Variants in LHX9 observed in about 807,000 individuals in gnomAD.
LHX9 encodes LIM/homeobox protein Lhx9.
LHX9 carries 9 observed loss-of-function variants against 36.5 expected under a neutral mutation model. The ratio of observed to expected loss-of-function variants is 0.25; its 90% CI spans 0.15 to 0.43. The LOEUF (loss-of-function observed/expected upper bound fraction) is 0.43. Among genes scored for constraint, LHX9 ranks in the 20% least tolerant of loss-of-function variants. The pLI, the probability that LHX9 is intolerant of heterozygous loss-of-function variation, is 1.00. For synonymous variants in LHX9, 211 were observed against 212.1 expected, an observed-to-expected ratio of 0.99 and a Z score of 0.04; for missense variants, 464 against 526.4, an observed-to-expected ratio of 0.88 and a Z score of 1.16.
chr1:197,925,656 G>A (rs1467244375), intron 3 of LHX9, among the ~76,000 whole-genome samples: 4 of 152,194 alleles, frequency 2.6e-5, no homozygotes, highest in Non-Finnish European at 5.9e-5. Context: ...GTGCAATTCT[G>A]TAGAATATTT....
intron 1 of LHX9, chr1:197,918,423 T>C: frequency 1.4e-6 from 1 of 716,258 alleles, no homozygotes. Flanking sequence ...CAGGTGGCCT[T>C]AGTCTCTGGG....
Position 197,927,662 on chromosome 1 carries a change from C to T in LHX9, c.805C>T (p.Arg269Cys). 2 of 1,614,186 alleles carry T rather than the reference C, an allele frequency of 1.2e-6. No individual in the cohort carries two copies. Among genetic ancestry groups the T allele is most frequent in the Non-Finnish European group, 1.7e-6 (2 of 1,180,032 alleles). Residue 269 changes from arginine to cysteine, a missense_variant, in exon 4 of 5, where the codon CGC becomes TGC. Physicochemically the swap from Arg to Cys is radical, Grantham distance 180. Around this residue, in one of 5 missense-constraint regions of LHX9, gnomAD observed 130 missense variants for 109.6 expected, o/e 1.19. Coordinates refer to ENST00000367387, the MANE Select transcript of LHX9 (RefSeq NM_020204.3). ...QPYPPSQKTK[R>C]MRTSFKHHQL... ...TTATCCACCCTCGCAGAAGACCAAG[C>T]GCATGCGAACCTCTTTCAAGCATCA...
In LHX9 at chr1:197,931,664, AC is replaced by A; in HGVS notation, c.*2407del. ...ATTGTTGCACAGGCAGTGTAATTCA[AC>A]CTAGAAATACCTTTGAATATATTTG... is the stretch of plus-strand genomic sequence containing the variant. On this transcript the variant is annotated 3_prime_UTR_variant, in exon 5 of 5. Coordinates refer to ENST00000367387, the MANE Select transcript of LHX9 (RefSeq NM_020204.3). 2.7e-6 allele frequency: 1 copy of A among 369,452 alleles called. No individual in the cohort carries two copies. Among genetic ancestry groups the A allele is most frequent in the Non-Finnish European group, 4.9e-6 (1 of 203,236 alleles). The allele number at this position is 369,452 out of a possible 1,614,324, so 22.9% of individuals were successfully genotyped here.
upstream of LHX9, among the ~76,000 whole-genome samples, chr1:197,915,502 GTAAA>G (rs560661735): frequency 7.2e-5 from 11 of 152,318 alleles, no homozygotes; most frequent in African/African-American, 2.6e-4. Context: ...ATTACTTACA[GTAAA>G]TAGCAGCCCT....
intron 2 of LHX9, among the ~76,000 whole-genome samples, chr1:197,920,997 G>A (rs1343780919): frequency 6.6e-6 from 1 of 151,996 alleles, no homozygotes. Flanking sequence ...TTCTAGTACC[G>A]TGAGTTAGCT....
rs1045322075 is a variant in LHX9, at chr1:197,921,463, C to A, written c.537C>A (p.Ser179Arg). ...TTGDHFGMKD[S>R]LVYCRAHFET... ...GCGACCATTTCGGCATGAAGGACAG[C>A]CTGGTGTACTGCCGCGCCCACTTCG... The change falls in exon 3 of 5, where the codon AGC becomes AGA. Residue 179 changes from serine to arginine, a missense_variant. By Grantham distance (110) the Ser-to-Arg change is moderately radical. Transcript: ENST00000367387. This position sits in a 1 kb window ranked among gnomAD's most constrained non-coding sequence, Gnocchi z 4.6. 1 of 1,614,104 alleles carries A rather than the reference C, an allele frequency of 6.2e-7. No individual in the cohort carries two copies.
rs1557973922 is a variant in LHX9, at chr1:197,921,979, G to A, written c.733+320G>A. ...CATTAGTTTCTGGCTCTCAGTTGGA[G>A]CAAAACAGCCCCAGGGCAATTTCTT... On this transcript the variant is annotated intron_variant, in intron 3 of 4. Coordinates refer to ENST00000367387, the MANE Select transcript of LHX9 (RefSeq NM_020204.3). This position sits in a 1 kb window ranked among gnomAD's most constrained non-coding sequence, Gnocchi z 4.6. Among the ~76,000 whole-genome samples, 1 of 152,080 alleles carries A rather than the reference G, an allele frequency of 6.6e-6. No individual in the cohort carries two copies.
Position 197,929,826 on chromosome 1 carries a change from G to C in LHX9, c.*567G>C. 2 of 944,734 alleles carry C rather than the reference G, an allele frequency of 2.1e-6. No homozygotes were observed. The highest frequency in any genetic ancestry group is 2.5e-6 in the Non-Finnish European group (2 of 792,908). The allele number at this position is 944,734 out of a possible 1,614,324, so 58.5% of individuals were successfully genotyped here. A position where few individuals can be genotyped will look rare whatever the true frequency, so the allele number is the denominator to read the frequency against. Reference sequence around the variant, plus strand: ...AAGTGAGGAATATGATGAAATAAAAGCATTAACTACAGACATTTTAAATAG... The same window carrying C: ...AAGTGAGGAATATGATGAAATAAAACCATTAACTACAGACATTTTAAATAG... On this transcript the variant is annotated 3_prime_UTR_variant, in exon 5 of 5. Coordinates refer to ENST00000367387, the MANE Select transcript of LHX9 (RefSeq NM_020204.3).
chr1:197,913,833 T>A (rs1235075323), upstream of LHX9, among the ~76,000 whole-genome samples: 1 of 152,196 alleles, frequency 6.6e-6, no homozygotes, highest in Admixed American at 6.5e-5. Context: ...AATCATGGCC[T>A]CCAAAATTCA....
upstream of LHX9, among the ~76,000 whole-genome samples, chr1:197,914,416 C>A (rs955443819): frequency 6.6e-6 from 1 of 150,868 alleles, no homozygotes; most frequent in Non-Finnish European, 1.5e-5. Flanking sequence ...TTTTTTTGTC[C>A]CCAGCCACCG....
chr1:197,917,869 C>T lies in LHX9; in HGVS notation c.46C>T (p.Arg16Cys), dbSNP rs537635751. The change falls in exon 1 of 5, where the codon CGC becomes TGC. Residue 16 changes from arginine to cysteine, a missense_variant. Arg to Cys is a radical substitution (Grantham distance 180). Around this residue, in one of 5 missense-constraint regions of LHX9, gnomAD observed 119 missense variants for 102.4 expected, o/e 1.16. Coordinates refer to ENST00000367387, the MANE Select transcript of LHX9 (RefSeq NM_020204.3). ...CRAEDNSCPF[R>C]PPAMLFHGIS... ...AGCAGAAGACAACTCGTGTCCTTTC[C>T]GCCCCCCAGCCATGCTCTTTCACGG... 4.7e-5 allele frequency: 76 copies of T among 1,614,226 alleles called. No individual in the cohort carries two copies. The South Asian group carries it at 7.7e-4, about 16-fold the overall frequency.
intron 3 of LHX9, among the ~76,000 whole-genome samples, chr1:197,922,484 G>C (rs942990399): frequency 9.2e-5 from 14 of 152,152 alleles, no homozygotes; most frequent in African/African-American, 3.1e-4. Flanking sequence ...TCTCTCACAT[G>C]CAGCAGTTTC....
rs1660348413 is a variant in LHX9 at position 197,932,218 on chromosome 1, G to A, written c.*2959G>A. ...TAGATAAACCATGTACAAAACCAGA[G>A]CAACCTGGCAGTAATATGCCCACCC... On this transcript the variant is annotated 3_prime_UTR_variant, in exon 5 of 5. Coordinates refer to ENST00000367387, the MANE Select transcript of LHX9 (RefSeq NM_020204.3). The A allele has an allele frequency of 5.3e-6, 2 of 375,560 alleles. No individual in the cohort carries two copies. Among genetic ancestry groups the A allele is most frequent in the East Asian group, 3.8e-5 (1 of 26,146 alleles). The allele number at this position is 375,560 out of a possible 1,614,324, so 23.3% of individuals were successfully genotyped here. A position where few individuals can be genotyped will look rare whatever the true frequency, so the allele number is the denominator to read the frequency against.
chr1:197,915,886 C>G (rs1397352748), upstream of LHX9: 2 of 152,244 alleles, frequency 1.3e-5, no homozygotes, highest in African/African-American at 4.8e-5. Flanking sequence ...CTCCCTCTCT[C>G]CCTGGCTTTT....
At chr1:197,925,205 C>T (rs1280346079) in intron 3 of LHX9, among the ~76,000 whole-genome samples, 2 of 152,192 alleles carry the variant, frequency 1.3e-5, no homozygotes, top group African/African-American at 4.8e-5. Flanking sequence ...AAAGGCTCTG[C>T]TGAGTTTTTA....
chr1:197,930,795 T>A lies in LHX9; in HGVS notation c.*1536T>A, dbSNP rs1660309104. 6.6e-6 allele frequency: 1 copy of A among 151,986 alleles called. No individual in the cohort carries two copies. Among genetic ancestry groups the A allele is most frequent in the Non-Finnish European group, 1.5e-5 (1 of 67,852 alleles). 9.4% of individuals were successfully genotyped at this position (151,986 alleles called of 1,614,324 possible). On this transcript the variant is annotated 3_prime_UTR_variant, in exon 5 of 5. Transcript: ENST00000367387. ...TTTTTTAAAAAAAGATGATGGAAGATAAGTTAACACTGTAACAGAAGAAAG... is the reference window on the plus strand; with the variant it reads ...TTTTTTAAAAAAAGATGATGGAAGAAAAGTTAACACTGTAACAGAAGAAAG...
Position 197,932,583 on chromosome 1 carries a change from T to C in LHX9, c.*3324T>C, listed in dbSNP as rs2102606059. ...CTTTCATTAATAAACATTTATTTGATGCAAACATAGTTAACTTTATGTTAA... is the reference window on the plus strand; with the variant it reads ...CTTTCATTAATAAACATTTATTTGACGCAAACATAGTTAACTTTATGTTAA... On this transcript the variant is annotated 3_prime_UTR_variant, in exon 5 of 5. Coordinates refer to ENST00000367387, the MANE Select transcript of LHX9 (RefSeq NM_020204.3). 6.6e-6 allele frequency: 1 copy of C among 152,210 alleles called. No homozygotes were observed. The highest frequency in any genetic ancestry group is 2.1e-4 in the South Asian group (1 of 4,828). The allele number at this position is 152,210 out of a possible 1,614,324, so 9.4% of individuals were successfully genotyped here.
chr1:197,913,544 T>G (rs1450553944), upstream of LHX9, among the ~76,000 whole-genome samples: 1 of 152,170 alleles, frequency 6.6e-6, no homozygotes, highest in African/African-American at 2.4e-5. Flanking sequence ...CAGTCTCCAC[T>G]GTCTGGAGAA....
rs772243786 is a variant in LHX9 at position 197,921,350 on chromosome 1, G to A, written c.424G>A (p.Ala142Thr). The change falls in exon 3 of 5, where the codon GCC (alanine) becomes ACC (threonine). Residue 142 changes from alanine to threonine, a missense_variant. Ala to Thr is a moderately conservative substitution (Grantham distance 58, BLOSUM62 0). Transcript: ENST00000367387. The surrounding 1 kb of genome is among the most constrained non-coding windows in gnomAD (Gnocchi z 4.6). ...RCARCHLGIS[A>T]SEMVMRARDS... ...TGCCCGCTGCCACCTTGGCATTTCC[G>A]CCTCGGAGATGGTCATGCGCGCCCG... 1.2e-6 allele frequency: 2 copies of A among 1,614,044 alleles called. No individual in the cohort carries two copies. The highest frequency in any genetic ancestry group is 2.2e-5 in the East Asian group (1 of 44,866).
Sources: allele counts gnomAD v4.1 joint callset (sites outside exome capture counted in the v4.1 genomes callset), GRCh38; gene constraint gnomAD v4.1.1; regional missense constraint gnomAD v4.1.1; non-coding constraint Gnocchi (gnomAD v3.1); transcripts MANE v1.5; gene names NCBI Gene and HGNC (gene_info 2026-07-23, HGNC 2026-07-21).